Variants in NCSTN observed in about 807,000 individuals in gnomAD.
NCSTN encodes the protein anterior pharynx-defective 2.
NCSTN carries 22 observed loss-of-function variants against 87.0 expected under a neutral mutation model. The observed-to-expected ratio is 0.25, with a 90% CI of 0.18 to 0.36. The LOEUF (loss-of-function observed/expected upper bound fraction) is 0.36, where lower values mean the gene tolerates loss of function less well. Ranked by LOEUF, NCSTN falls within the 10% of genes least tolerant of loss-of-function variation. NCSTN has a pLI of 1.00. For missense variants in NCSTN, 693 were observed against 883.3 expected (o/e 0.78, Z 2.73); for synonymous variants, 306 against 327.1 (o/e 0.94, Z 0.69).
intron 11 of NCSTN, 23 bp from the exon 12 acceptor site, chr1:160,355,632 G>T (rs200206740): frequency 6.4e-7 from 1 of 1,574,748 alleles, no homozygotes; most frequent in Admixed American, 1.7e-5. Flanking sequence ...TGTAGCCAAG[G>T]CTCATGCCGG....
chr1:160,350,308 C>G, intron 5 of NCSTN, 58 bp downstream of exon 5: 1 of 1,596,462 alleles, frequency 6.3e-7, no homozygotes, highest in Non-Finnish European at 8.6e-7. Context: ...TTTTTCTAGC[C>G]AGGTGTGGTG....
chr1:160,352,950 G>C lies in NCSTN; in HGVS notation c.1060G>C (p.Val354Leu). 6.2e-7 allele frequency: 1 copy of C among 1,614,130 alleles called. No individual in the cohort carries two copies. The highest frequency in any genetic ancestry group is 8.5e-7 in the Non-Finnish European group (1 of 1,180,014). ...VYDMEKGKFP[V>L]QLENVDSFVE... The stretch of plus-strand genomic sequence containing the variant: ...CGATATGGAGAAGGGCAAGTTTCCC[G>C]TGCAGTTAGAGAATGTTGACTCATT... Residue 354 changes from valine (V) to leucine (L), a missense_variant, in exon 9 of 17, where the codon GTG becomes CTG. Physicochemically the swap from Val to Leu is conservative, Grantham distance 32 (BLOSUM62 1). Around this residue, in one of 4 missense-constraint regions of NCSTN, gnomAD observed 134 missense variants for 226.0 expected, o/e 0.59. Coordinates refer to ENST00000294785, the MANE Select transcript of NCSTN (RefSeq NM_015331.3).
At chr1:160,344,090 G>C (rs996788197) in intron 1 of NCSTN, among the ~76,000 whole-genome samples, 2 of 151,400 alleles carry the variant, frequency 1.3e-5, no homozygotes, top group African/African-American at 4.9e-5. Flanking sequence ...TTGCTGATAC[G>C]CGTTCATTTA....
intron 10 of NCSTN, 184 bp downstream of exon 10, chr1:160,353,421 T>G: frequency 6.7e-7 from 1 of 1,493,656 alleles, no homozygotes; most frequent in Non-Finnish European, 8.9e-7. Context: ...AGGAACTCAG[T>G]GACATTCCAT....
intron 5 of NCSTN, 99 bp downstream of exon 5, chr1:160,350,349 G>A (rs1648768220): frequency 1.4e-6 from 2 of 1,403,620 alleles, no homozygotes; most frequent in Admixed American, 3.5e-5. Context: ...CCACCCGGGA[G>A]GCTGAGACAG....
At chr1:160,347,717 C>T (rs1420720461) in intron 2 of NCSTN, among the ~76,000 whole-genome samples, 3 of 152,230 alleles carry the variant, frequency 2.0e-5, no homozygotes, top group Non-Finnish European at 4.4e-5. Flanking sequence ...TCAAGCAATT[C>T]TCCTGCCTCA....
At chr1:160,352,604 C>G (rs946523529) in intron 8 of NCSTN, among the ~76,000 whole-genome samples, 1 of 152,166 alleles carries the variant, frequency 6.6e-6, no homozygotes, top group Non-Finnish European at 1.5e-5. Context: ...GGTGGGGGAC[C>G]GTTAAGAATC....
At chr1:160,343,954 G>GTTT (rs35301624) in intron 1 of NCSTN, 5,725 of 151,988 alleles carry the variant, frequency 0.038, 272 homozygotes, top group African/African-American at 0.11. Flanking sequence ...CTTGCCTCAG[G>GTTT]TTTTTTTTTT....
chr1:160,349,966 G>A (rs1648746435), intron 4 of NCSTN, 139 bp from the exon 5 acceptor site: 4 of 1,098,226 alleles, frequency 3.6e-6, no homozygotes, highest in African/African-American at 1.5e-5. Context: ...GATGGTAATA[G>A]ACTTCATGCC....
chr1:160,344,851 G>A, intron 2 of NCSTN, 25 bp downstream of exon 2: 1 of 1,575,272 alleles, frequency 6.3e-7, no homozygotes, highest in Non-Finnish European at 8.7e-7. Flanking sequence ...ATTCATGTTT[G>A]TGGACATTGA....
chr1:160,358,513 T>A lies in NCSTN; in HGVS notation c.*242T>A, dbSNP rs189476682. 4.6e-5 allele frequency: 26 copies of A among 562,050 alleles called. No homozygotes were observed. The highest frequency in any genetic ancestry group is 3.6e-4 in the South Asian group (18 of 50,330). The allele number at this position is 562,050 out of a possible 1,614,324, so 34.8% of individuals were successfully genotyped here. ...TCTTCCTTCTCTACTCATGCCAGATTTTGGGATTACAAATAGAAGCTTCTT... is the reference window on the plus strand; with the variant it reads ...TCTTCCTTCTCTACTCATGCCAGATATTGGGATTACAAATAGAAGCTTCTT... On this transcript the variant is annotated 3_prime_UTR_variant, in exon 17 of 17. Coordinates refer to ENST00000294785, the MANE Select transcript of NCSTN (RefSeq NM_015331.3).
Position 160,355,873 on chromosome 1 carries a change from A to T in NCSTN, c.1466A>T (p.Asp489Val), listed in dbSNP as rs1367742892. ...CCTCACCTACCACAGGCCCTGGCAGATGTGGCCACGGTGCTGGGACGTGCT... is the reference window on the plus strand; with the variant it reads ...CCTCACCTACCACAGGCCCTGGCAGTTGTGGCCACGGTGCTGGGACGTGCT... Reference protein sequence around the residue: ...FVTDTAKALADVATVLGRALY... With the variant: ...FVTDTAKALAVVATVLGRALY... The change falls in exon 13 of 17, where the codon GAT (aspartate) becomes GTT (valine). Residue 489 changes from aspartate to valine, a missense_variant. Transcript: ENST00000294785. 2 of 1,614,130 alleles carry T rather than the reference A, an allele frequency of 1.2e-6. No homozygotes were observed. The highest frequency in any genetic ancestry group is 3.3e-5 in the Admixed American group (2 of 60,018).
rs566911156 is a variant in NCSTN, at chr1:160,344,706, T to C, written c.86-16T>C. The C allele has an allele frequency of 7.7e-5, 125 of 1,612,906 alleles. No individual in the cohort carries two copies. The South Asian group carries it at 1.2e-3, about 16-fold the overall frequency. Reference sequence around the variant, plus strand: ...TGTCTCTCAAATTTTTCTAACACTTTTTATCTTCCGATCAGGTTTGTGCAG... The same window carrying C: ...TGTCTCTCAAATTTTTCTAACACTTCTTATCTTCCGATCAGGTTTGTGCAG... On this transcript the variant is annotated splice_polypyrimidine_tract_variant and intron_variant, in intron 1 of 16. Transcript: ENST00000294785.
chr1:160,343,833 A>C, intron 1 of NCSTN: 1 of 538,484 alleles, frequency 1.9e-6, no homozygotes, highest in African/African-American at 1.9e-5. Context: ...CCTCGCGTTT[A>C]GACTTTTTGA....
intron 11 of NCSTN, among the ~76,000 whole-genome samples, 154 bp from the exon 12 acceptor site, chr1:160,355,501 C>T (rs1649081074): frequency 6.6e-6 from 1 of 152,240 alleles, no homozygotes; most frequent in Admixed American, 6.5e-5. Context: ...CTGTTCTCCA[C>T]ACCTTCTGCA....
At chr1:160,355,586 C>T in intron 11 of NCSTN, 69 bp from the exon 12 acceptor site, 1 of 1,100,654 alleles carries the variant, frequency 9.1e-7, no homozygotes, top group Non-Finnish European at 1.4e-6. Flanking sequence ...GCATAAGGAG[C>T]ATTTGAGGGA....
chr1:160,351,878 C>T lies in NCSTN; in HGVS notation c.843+73C>T, dbSNP rs1323225881. The T allele has an allele frequency of 2.3e-5, 34 of 1,480,954 alleles. No individual in the cohort carries two copies. In the East Asian group the frequency reaches 6.8e-4, roughly 30 times the overall value. The allele number at this position is 1,480,954 out of a possible 1,614,324, so 91.7% of individuals were successfully genotyped here. A position where few individuals can be genotyped will look rare whatever the true frequency, so the allele number is the denominator to read the frequency against. On this transcript the variant is annotated intron_variant, in intron 7 of 16. Coordinates refer to ENST00000294785, the MANE Select transcript of NCSTN (RefSeq NM_015331.3). ...GCTGGTAGGCCCCGCTCTAGCATAT[C>T]AGATTTCAAAGTTGCTAAATTGGGA... is the stretch of plus-strand genomic sequence containing the variant.
chr1:160,343,796 G>C (rs751605985), intron 1 of NCSTN: 2 of 618,032 alleles, frequency 3.2e-6, no homozygotes, highest in South Asian at 3.0e-5. Flanking sequence ...ACAGTCGAAA[G>C]GAACAGGTGT....
intron 2 of NCSTN, 181 bp downstream of exon 2, chr1:160,345,007 C>T: frequency 4.5e-6 from 3 of 668,990 alleles, no homozygotes; most frequent in Non-Finnish European, 2.7e-6. Context: ...TTAGTAAATG[C>T]TGCATACCAA....
Sources: gnomAD v4.1 joint callset for allele counts (sites outside exome capture counted in the v4.1 genomes callset) on GRCh38, gnomAD v4.1.1 for gene constraint, gnomAD v4.1.1 regional missense constraint, MANE v1.5 for transcripts, NCBI Gene and HGNC (gene_info 2026-07-23, HGNC 2026-07-21) for gene names.